NRXN3: variants seen among roughly 807,000 people sequenced by gnomAD.
NRXN3 encodes the protein neurexin 3.
A neutral mutation model predicts 137.6 loss-of-function variants in NRXN3; 32 were observed. The observed-to-expected ratio is 0.23, with a 90% CI of 0.18 to 0.31. The LOEUF is 0.31. NRXN3 is among the 10% of genes least tolerant of loss of function. The pLI, the probability that NRXN3 is intolerant of heterozygous loss-of-function variation, is 1.00. For missense variants in NRXN3, 1,574 were observed against 2,062.5 expected, an observed-to-expected ratio of 0.76 and a Z score of 4.59; for synonymous variants, 798 against 784.5, an observed-to-expected ratio of 1.02 and a Z score of -0.29.
intron 16 of NRXN3, among the ~76,000 whole-genome samples, chr14:79,522,468 A>T (rs924688953): frequency 5.9e-5 from 9 of 152,168 alleles, no homozygotes; most frequent in African/African-American, 2.2e-4. Context: ...TAATAATGGA[A>T]TTCATTTTAT....
chr14:79,386,789 A>G (rs1324418080), intron 15 of NRXN3, among the ~76,000 whole-genome samples: 1 of 152,226 alleles, frequency 6.6e-6, no homozygotes, highest in East Asian at 1.9e-4. Context: ...GCCCTCAGAA[A>G]TAATGCCGCT....
intron 8 of NRXN3, among the ~76,000 whole-genome samples, chr14:78,781,737 G>T (rs2098770537): frequency 6.6e-6 from 1 of 152,146 alleles, no homozygotes. Context: ...CAAAATAAAA[G>T]CTGTTTAATA....
Position 79,603,409 on chromosome 14 carries a change from T to C in NRXN3, c.3445-60369T>C, listed in dbSNP as rs138243266. 3.9e-5 allele frequency among the ~76,000 whole-genome samples: 6 copies of C among 152,340 alleles called. No individual in the cohort carries two copies. In the East Asian group the frequency reaches 1.2e-3, roughly 29 times the overall value. The stretch of plus-strand genomic sequence containing the variant: ...TGTCCCTGCATATCTTCTGGCCTTA[T>C]AGACCTCTGTGCCTTTATCTATGTC... On this transcript the variant is annotated intron_variant, in intron 16 of 20. Transcript: ENST00000335750.
chr14:79,681,978 T>TC (rs1473135578), intron 17 of NRXN3, among the ~76,000 whole-genome samples: 3 of 152,148 alleles, frequency 2.0e-5, no homozygotes, highest in East Asian at 3.9e-4. Context: ...TTCCTTTTTT[T>TC]CTCTATGTCT....
Position 78,545,151 on chromosome 14 carries a change from G to A in NRXN3, c.758-99969G>A, listed in dbSNP as rs569522954. 4.6e-5 allele frequency among the ~76,000 whole-genome samples: 7 copies of A among 152,256 alleles called. No homozygotes were observed. The South Asian group carries it at 1.5e-3, about 32-fold the overall frequency. On this transcript the variant is annotated intron_variant, in intron 4 of 20. Transcript: ENST00000335750. ...TCTTGTAAATTTTAGAAGGAAGGTG[G>A]ACAGTCTGGGAGAACCAGAACTGAC... is the stretch of plus-strand genomic sequence containing the variant.
rs549183659 is a variant in NRXN3, at chr14:78,412,814, A to G, written c.757+114954A>G. Among the ~76,000 whole-genome samples the G allele has an allele frequency of 2.6e-5, 4 of 152,138 alleles. No individual in the cohort carries two copies. In the South Asian group the frequency reaches 8.3e-4, roughly 32 times the overall value. On this transcript the variant is annotated intron_variant, in intron 4 of 20. Transcript: ENST00000335750. ...TCCCCTGTAGTTTCATTTGGAAGTGATTTCCTTTGTTGGCCATTACTCTTC... is the reference window on the plus strand; with the variant it reads ...TCCCCTGTAGTTTCATTTGGAAGTGGTTTCCTTTGTTGGCCATTACTCTTC...
chr14:78,393,065 TA>T (rs1290468011), intron 4 of NRXN3, among the ~76,000 whole-genome samples: 5 of 152,178 alleles, frequency 3.3e-5, no homozygotes, highest in Non-Finnish European at 7.4e-5. Flanking sequence ...GATTTTTCAC[TA>T]ATCTACCAGA....
At chr14:78,197,147 C>A (rs933881774) in intron 1 of NRXN3, among the ~76,000 whole-genome samples, 8 of 152,348 alleles carry the variant, frequency 5.3e-5, no homozygotes, top group Admixed American at 3.3e-4. Flanking sequence ...CTGCCCGTGG[C>A]TCTGTGAATA....
chr14:78,582,133 T>C (rs1348016153), intron 4 of NRXN3, among the ~76,000 whole-genome samples: 1 of 152,212 alleles, frequency 6.6e-6, no homozygotes, highest in Admixed American at 6.5e-5. Flanking sequence ...GAGCTCATGG[T>C]TTCCTGCAGC....
chr14:78,460,682 T>C (rs1007618830), intron 4 of NRXN3, among the ~76,000 whole-genome samples: 4 of 152,196 alleles, frequency 2.6e-5, no homozygotes, highest in African/African-American at 9.6e-5. Flanking sequence ...AGGCTGGCTA[T>C]GTACACAGAT....
chr14:79,756,872 G>T (rs947135606), intron 19 of NRXN3, among the ~76,000 whole-genome samples: 16 of 152,166 alleles, frequency 1.1e-4, no homozygotes, highest in African/African-American at 3.9e-4. Flanking sequence ...GCTAGTGAGG[G>T]AAGGAAAACA....
At chr14:78,479,536 C>T (rs181348850) in intron 4 of NRXN3, among the ~76,000 whole-genome samples, 4 of 152,174 alleles carry the variant, frequency 2.6e-5, no homozygotes, top group South Asian at 2.1e-4. Flanking sequence ...GTCAGCATTT[C>T]GTAAGGTTTG....
intron 4 of NRXN3, among the ~76,000 whole-genome samples, chr14:78,562,396 C>CAA (rs752464669): frequency 0.02 from 1,000 of 48,894 alleles, 38 homozygotes; most frequent in African/African-American, 0.046. Flanking sequence ...ACTTATATCT[C>CAA]AAAAAAAAAA....
At chr14:78,771,932 G>C (rs2098729508) in intron 8 of NRXN3, among the ~76,000 whole-genome samples, 1 of 152,020 alleles carries the variant, frequency 6.6e-6, no homozygotes, top group South Asian at 2.1e-4. Flanking sequence ...TTTGGGTCTG[G>C]GGATATTTAC....
rs933270062 is a variant in NRXN3, at chr14:79,324,021, C to T, written c.3263-143200C>T. 3.3e-5 allele frequency among the ~76,000 whole-genome samples: 5 copies of T among 152,186 alleles called. No homozygotes were observed. The South Asian group carries it at 8.3e-4, about 25-fold the overall frequency. ...CAATGCAGAAAATATTTGTTAAGCA[C>T]GAAGAGTGTGGATGTGTTTGATGAC... On this transcript the variant is annotated intron_variant, in intron 15 of 20. Transcript: ENST00000335750.
At chr14:79,151,774 A>G (rs2059820918) in intron 15 of NRXN3, among the ~76,000 whole-genome samples, 1 of 152,012 alleles carries the variant, frequency 6.6e-6, no homozygotes, top group African/African-American at 2.4e-5. Flanking sequence ...TTGCTGAGAC[A>G]ATTGTCCCAG....
intron 15 of NRXN3, among the ~76,000 whole-genome samples, chr14:79,246,226 G>A (rs1196364697): frequency 6.6e-6 from 1 of 152,290 alleles, no homozygotes; most frequent in Middle Eastern, 3.4e-3. Context: ...TCCATTCCTT[G>A]TTAGGCTAAA....
At chr14:79,052,839 T>A (rs905052591) in intron 15 of NRXN3, among the ~76,000 whole-genome samples, 49 of 152,180 alleles carry the variant, frequency 3.2e-4, no homozygotes, top group African/African-American at 1.0e-3. Flanking sequence ...GGTTTCCTTT[T>A]TTGCAATGGC....
At chr14:78,240,348 A>G (rs1383242443) in intron 1 of NRXN3, among the ~76,000 whole-genome samples, 1 of 152,180 alleles carries the variant, frequency 6.6e-6, no homozygotes, top group Non-Finnish European at 1.5e-5. Context: ...GGAGTGGCCA[A>G]CCAGGAGATT....
Sources: gnomAD v4.1 joint callset for allele counts (sites outside exome capture counted in the v4.1 genomes callset) on GRCh38, gnomAD v4.1.1 for gene constraint, MANE v1.5 for transcripts, NCBI Gene and HGNC (gene_info 2026-07-23, HGNC 2026-07-21) for gene names.